ARID3B: variants seen among roughly 807,000 people sequenced by gnomAD.
The protein encoded by ARID3B is AT-rich interaction domain 3B.
Under a neutral mutation model 51.9 loss-of-function variants are expected in ARID3B, and 10 were observed. The observed-to-expected ratio is 0.19, with a 90% CI of 0.12 to 0.33. ARID3B has a LOEUF of 0.33. Among genes scored for constraint, ARID3B ranks in the 10% least tolerant of loss-of-function variants. The probability of loss-of-function intolerance (pLI) is 1.00; values close to 1 mark genes in which losing one functional copy is unlikely to be tolerated. For missense variants in ARID3B, 483 were observed against 716.3 expected (o/e 0.67, Z 3.72); for synonymous variants, 205 against 279.5 (o/e 0.73, Z 2.66).
chr15:74,591,539 C>T lies in ARID3B; in HGVS notation c.1166-21C>T, dbSNP rs1224937403. 1 of 1,608,252 alleles carries T rather than the reference C, an allele frequency of 6.2e-7. No homozygotes were observed. Among genetic ancestry groups the T allele is most frequent in the East Asian group, 2.2e-5 (1 of 44,726 alleles). The stretch of plus-strand genomic sequence containing the variant: ...GCAAGAGGGTCAATTGTGGATTGGT[C>T]CAGCTCCAGTTCCTTTGCAGGTGAT... On this transcript the variant is annotated intron_variant, in intron 6 of 8. Transcript: ENST00000346246. The surrounding 1 kb of genome is among the most constrained non-coding windows in gnomAD (Gnocchi z 5.8).
chr15:74,567,208 C>G (rs2141461344), intron 2 of ARID3B, among the ~76,000 whole-genome samples: 1 of 152,272 alleles, frequency 6.6e-6, no homozygotes, highest in East Asian at 1.9e-4. Context: ...TTATATCCTC[C>G]CTGTCAAAAC....
At chr15:74,558,070 C>G (rs780129252) in intron 2 of ARID3B, among the ~76,000 whole-genome samples, 15 of 151,948 alleles carry the variant, frequency 9.9e-5, no homozygotes, top group Non-Finnish European at 2.2e-4. Flanking sequence ...ATCCGCCCAC[C>G]TCGGCCTCCC....
At chr15:74,578,589 A>C (rs897801548) in intron 4 of ARID3B, among the ~76,000 whole-genome samples, 4 of 152,112 alleles carry the variant, frequency 2.6e-5, no homozygotes. Context: ...GACCAAGGAA[A>C]AGCCTCATAG....
In ARID3B at chr15:74,591,804, C is replaced by T. The variant is rs1286777137; in HGVS notation, c.1410C>T (p.Ile470=). 2 of 1,613,288 alleles carry T rather than the reference C, an allele frequency of 1.2e-6. No homozygotes were observed. The highest frequency in any genetic ancestry group is 8.5e-7 in the Non-Finnish European group (1 of 1,179,386). Residue 470 remains isoleucine, a synonymous_variant, in exon 7 of 9, where the codon ATC becomes ATT. Transcript: ENST00000346246. The surrounding 1 kb of genome is among the most constrained non-coding windows in gnomAD (Gnocchi z 5.8). The stretch of plus-strand genomic sequence containing the variant: ...GGCAGCTCCCCATGAAGATCAGGAT[C>T]AACGGCAGGGGTGAGCCAGGCTCAG... ...MARQLPMKIR[I]NGREDRAEAS...
chr15:74,595,832 G>A lies in ARID3B; in HGVS notation c.*58G>A, dbSNP rs2141484250. On this transcript the variant is annotated 3_prime_UTR_variant, in exon 9 of 9. Coordinates refer to ENST00000346246, the MANE Select transcript of ARID3B (RefSeq NM_006465.4). ...CCTGTCGAGAGTGAAGGAAGTTGAT[G>A]CACAGAATTTACCTCATCTCACAGA... is the stretch of plus-strand genomic sequence containing the variant. 2 of 1,549,126 alleles carry A rather than the reference G, an allele frequency of 1.3e-6. No individual in the cohort carries two copies. Among genetic ancestry groups the A allele is most frequent in the African/African-American group, 1.4e-5 (1 of 72,536 alleles).
chr15:74,575,938 C>T (rs1031789857), intron 4 of ARID3B, among the ~76,000 whole-genome samples: 1 of 152,192 alleles, frequency 6.6e-6, no homozygotes, highest in African/African-American at 2.4e-5. Flanking sequence ...ACTCTGTTGC[C>T]TCAGCTGGAG....
chr15:74,563,867 A>T (rs1475423648), intron 2 of ARID3B, among the ~76,000 whole-genome samples: 2 of 152,126 alleles, frequency 1.3e-5, no homozygotes, highest in South Asian at 4.1e-4. Flanking sequence ...AGGAACATCT[A>T]TTTCTGGGAA....
At chr15:74,560,670 A>C (rs1021383358) in intron 2 of ARID3B, among the ~76,000 whole-genome samples, 17 of 152,202 alleles carry the variant, frequency 1.1e-4, no homozygotes, top group Admixed American at 9.2e-4. Context: ...CTGTGTCCTT[A>C]CACCTCACAA....
chr15:74,544,500 T>A lies in ARID3B; in HGVS notation c.552+12T>A. 6.2e-7 allele frequency: 1 copy of A among 1,607,350 alleles called. No homozygotes were observed. The highest frequency in any genetic ancestry group is 8.5e-7 in the Non-Finnish European group (1 of 1,176,312). Reference sequence around the variant, plus strand: ...AGCAGCTCAAGCAGGTCAGTCTTTCTGGTATTGTAGGTCATTTGGTCTTCC... The same window carrying A: ...AGCAGCTCAAGCAGGTCAGTCTTTCAGGTATTGTAGGTCATTTGGTCTTCC... On this transcript the variant is annotated intron_variant, in intron 2 of 8. Transcript: ENST00000346246.
chr15:74,590,707 T>C (rs2141479775), intron 5 of ARID3B, among the ~76,000 whole-genome samples: 1 of 152,286 alleles, frequency 6.6e-6, no homozygotes, highest in Middle Eastern at 3.4e-3. Context: ...GCAAGGTTCT[T>C]GGGTAGAGAA....
chr15:74,543,564 G>A (rs149480654), intron 1 of ARID3B, among the ~76,000 whole-genome samples: 154 of 152,258 alleles, frequency 1.0e-3, no homozygotes, highest in African/African-American at 3.4e-3. Context: ...GAGGAAGAGA[G>A]ATCAGAACAC....
At chr15:74,558,749 G>C (rs1424588388) in intron 2 of ARID3B, among the ~76,000 whole-genome samples, 1 of 151,954 alleles carries the variant, frequency 6.6e-6, no homozygotes, top group Non-Finnish European at 1.5e-5. Context: ...ATTTCCTCTT[G>C]GTTTGTTTTT....
chr15:74,591,459 G>C lies in ARID3B; in HGVS notation c.1165+25G>C. 1.9e-6 allele frequency: 3 copies of C among 1,595,934 alleles called. No homozygotes were observed. The highest frequency in any genetic ancestry group is 2.6e-6 in the Non-Finnish European group (3 of 1,167,036). ...GGTCAGCAGGGCTCCTGGGGGAGAA[G>C]GAAGAAAGGGAGGAAGGGATGCCAG... is the stretch of plus-strand genomic sequence containing the variant. On this transcript the variant is annotated intron_variant, in intron 6 of 8. Transcript: ENST00000346246. The surrounding 1 kb of genome is among the most constrained non-coding windows in gnomAD (Gnocchi z 5.8).
rs1167090873 is a variant in ARID3B, at chr15:74,598,000, C to G, written c.*2226C>G. ...TCTAACCAGGAAAAATGTGATAGCA[C>G]ATGGGTAGCCTAGGCAGTGAGTAAA... On this transcript the variant is annotated 3_prime_UTR_variant, in exon 9 of 9. Coordinates refer to ENST00000346246, the MANE Select transcript of ARID3B (RefSeq NM_006465.4). The G allele has an allele frequency of 1.9e-6, 1 of 531,706 alleles. No homozygotes were observed. Among genetic ancestry groups the G allele is most frequent in the Non-Finnish European group, 3.7e-6 (1 of 273,204 alleles). 32.9% of individuals were successfully genotyped at this position (531,706 alleles called of 1,614,324 possible). A position where few individuals can be genotyped will look rare whatever the true frequency, so the allele number is the denominator to read the frequency against.
chr15:74,592,884 T>G (rs1043573977), intron 7 of ARID3B, among the ~76,000 whole-genome samples: 1 of 152,226 alleles, frequency 6.6e-6, no homozygotes, highest in African/African-American at 2.4e-5. Flanking sequence ...GGAGCCGGCC[T>G]CCTTGCCTAC....
At chr15:74,552,193 C>T (rs989548695) in intron 2 of ARID3B, among the ~76,000 whole-genome samples, 3 of 144,360 alleles carry the variant, frequency 2.1e-5, no homozygotes, top group Non-Finnish European at 4.5e-5. Flanking sequence ...TCTCAAGTAG[C>T]TGGGACAACA....
At chr15:74,590,044 G>C (rs1484758599) in intron 5 of ARID3B, 41 bp downstream of exon 5, 11 of 1,547,282 alleles carry the variant, frequency 7.1e-6, no homozygotes, top group Non-Finnish European at 9.6e-6. Flanking sequence ...TGAGGCTGGA[G>C]AAAGGGGATG....
intron 4 of ARID3B, among the ~76,000 whole-genome samples, chr15:74,586,388 C>T (rs1185787150): frequency 1.3e-5 from 2 of 152,194 alleles, no homozygotes; most frequent in Admixed American, 6.5e-5. Flanking sequence ...AGTTCTCAGT[C>T]TAATATAATA....
At chr15:74,561,985 G>A (rs1446011064) in intron 2 of ARID3B, among the ~76,000 whole-genome samples, 2 of 147,260 alleles carry the variant, frequency 1.4e-5, no homozygotes, top group African/African-American at 5.0e-5. Flanking sequence ...TTCTGAGCAC[G>A]TTTAAGGTAG....
Sources: allele counts gnomAD v4.1 joint callset (sites outside exome capture counted in the v4.1 genomes callset), GRCh38; gene constraint gnomAD v4.1.1; non-coding constraint Gnocchi (gnomAD v3.1); transcripts MANE v1.5; gene names NCBI Gene and HGNC (gene_info 2026-07-23, HGNC 2026-07-21).